The following CD55 variants were observed in gnomAD, a reference collection of about 807,000 sequenced individuals.
CD55 encodes complement decay-accelerating factor.
A neutral mutation model predicts 45.8 loss-of-function variants in CD55; 41 were observed. That is an observed-to-expected ratio of 0.90 (90% CI 0.70 to 1.16). The LOEUF is 1.16. Among genes scored for constraint, CD55 ranks in the 50% most tolerant of loss-of-function variants. The pLI, the probability that CD55 is intolerant of heterozygous loss-of-function variation, is 0.00. For synonymous variants in CD55, 181 were observed against 181.1 expected, an observed-to-expected ratio of 1.00 and a Z score of 0.01; for missense variants, 416 against 469.8, an observed-to-expected ratio of 0.89 and a Z score of 1.06.
At chr1:207,345,874 G>A (rs1225442811) in intron 9 of CD55, among the ~76,000 whole-genome samples, 5 of 152,306 alleles carry the variant, frequency 3.3e-5, no homozygotes, top group Admixed American at 2.0e-4. Flanking sequence ...TTTCCTCAGT[G>A]CTTTAGGATG....
At chr1:207,338,980 T>TA (rs1380168163) in intron 8 of CD55, among the ~76,000 whole-genome samples, 1 of 152,182 alleles carries the variant, frequency 6.6e-6, no homozygotes, top group Non-Finnish European at 1.5e-5. Context: ...AATAAGGTGA[T>TA]ATGGCATTTT....
intron 9 of CD55, among the ~76,000 whole-genome samples, chr1:207,349,932 G>C (rs1430916359): frequency 6.6e-6 from 1 of 152,152 alleles, no homozygotes; most frequent in African/African-American, 2.4e-5. Context: ...TCCTTGTCTT[G>C]TACTGGTTTT....
At chr1:207,342,001 GT>G in intron 9 of CD55, among the ~76,000 whole-genome samples, 1 of 151,860 alleles carries the variant, frequency 6.6e-6, no homozygotes, top group South Asian at 2.1e-4. Flanking sequence ...TATTTTTTTA[GT>G]TATTGTCAAT....
At chr1:207,326,681 C>A in intron 4 of CD55, 71 bp from the exon 5 acceptor site, 2 of 1,079,330 alleles carry the variant, frequency 1.9e-6, no homozygotes, top group Non-Finnish European at 2.9e-6. Flanking sequence ...AAGATAATAA[C>A]CTGGAGAATT....
chr1:207,326,683 T>A, intron 4 of CD55, 69 bp from the exon 5 acceptor site: 1 of 1,106,292 alleles, frequency 9.0e-7, no homozygotes, highest in Non-Finnish European at 1.4e-6. Flanking sequence ...GATAATAACC[T>A]GGAGAATTTG....
chr1:207,334,975 A>G (rs1558148659), intron 6 of CD55, among the ~76,000 whole-genome samples: 2 of 152,238 alleles, frequency 1.3e-5, no homozygotes, highest in Middle Eastern at 3.4e-3. Flanking sequence ...AGGATGGAAA[A>G]ATATACCATG....
At chr1:207,346,124 T>TGA (rs928141260) in intron 9 of CD55, among the ~76,000 whole-genome samples, 1 of 152,230 alleles carries the variant, frequency 6.6e-6, no homozygotes, top group African/African-American at 2.4e-5. Flanking sequence ...GCATGGGTGA[T>TGA]GGCAGTAGTA....
rs1273028693 is a variant in CD55 at position 207,360,763 on chromosome 1, T to A, written c.*1153T>A. On this transcript the variant is annotated 3_prime_UTR_variant, in exon 10 of 10. Coordinates refer to ENST00000367064, the MANE Select transcript of CD55 (RefSeq NM_000574.5). ...GGTTTTTACCATATTCTTGTCATCT[T>A]GCCAATTACATTTTAAGTGTTAGAC... The A allele has an allele frequency of 2.0e-5, 3 of 152,222 alleles. No homozygotes were observed. Among genetic ancestry groups the A allele is most frequent in the East Asian group, 1.9e-4 (1 of 5,206 alleles). The allele number at this position is 152,222 out of a possible 1,614,324, so 9.4% of individuals were successfully genotyped here. A position where few individuals can be genotyped will look rare whatever the true frequency, so the allele number is the denominator to read the frequency against.
intron 9 of CD55, among the ~76,000 whole-genome samples, chr1:207,341,788 C>T (rs1655438606): frequency 6.6e-6 from 1 of 151,610 alleles, no homozygotes; most frequent in African/African-American, 2.4e-5. Context: ...TGAAAAATGG[C>T]ATTGATATCT....
chr1:207,345,074 T>G (rs1452839379), intron 9 of CD55, among the ~76,000 whole-genome samples: 1 of 152,202 alleles, frequency 6.6e-6, no homozygotes, highest in African/African-American at 2.4e-5. Context: ...TGTGTCAGGA[T>G]GTCTACATTT....
rs1288375228 is a variant in CD55, at chr1:207,331,241, T to C, written c.798T>C (p.Tyr266=). The part of the protein sequence containing the change: ...GFTMIGEHSI[Y]CTVNNDEGEW... Reference sequence around the variant, plus strand: ...CCATGATTGGAGAGCACTCTATTTATTGTACTGTGAATAATGATGAAGGAG... The same window carrying C: ...CCATGATTGGAGAGCACTCTATTTACTGTACTGTGAATAATGATGAAGGAG... Residue 266 remains tyrosine (Y), a synonymous_variant, in exon 6 of 10, where the codon TAT becomes TAC. Transcript: ENST00000367064. 6.2e-7 allele frequency: 1 copy of C among 1,613,824 alleles called. No individual in the cohort carries two copies. The highest frequency in any genetic ancestry group is 2.2e-5 in the East Asian group (1 of 44,858).
intron 9 of CD55, chr1:207,350,028 T>C: frequency 2.3e-6 from 1 of 444,060 alleles, no homozygotes; most frequent in Non-Finnish European, 4.5e-6. Context: ...TTGTGGTATG[T>C]TCCTTTGATG....
chr1:207,324,853 T>TACAC, intron 3 of CD55, 103 bp downstream of exon 3: 1 of 600,142 alleles, frequency 1.7e-6, no homozygotes, highest in Non-Finnish European at 2.8e-6. Context: ...TATTATTATA[T>TACAC]AGGATGTTTC....
intron 8 of CD55, among the ~76,000 whole-genome samples, chr1:207,338,728 T>C (rs1655289420): frequency 6.6e-6 from 1 of 152,130 alleles, no homozygotes; most frequent in African/African-American, 2.4e-5. Flanking sequence ...CAAAGTATCT[T>C]CAGATTGATT....
chr1:207,340,843 A>T (rs771671668), intron 9 of CD55: 1 of 390,102 alleles, frequency 2.6e-6, no homozygotes, highest in Non-Finnish European at 4.5e-6. Flanking sequence ...AGATAGTTAT[A>T]TTTTTTTATG....
At chr1:207,324,993 T>C (rs1244088446) in intron 3 of CD55, among the ~76,000 whole-genome samples, 2 of 152,188 alleles carry the variant, frequency 1.3e-5, no homozygotes, top group African/African-American at 4.8e-5. Flanking sequence ...GTATATATTC[T>C]AAATTCGTTG....
chr1:207,359,441 T>A, intron 9 of CD55, 105 bp from the exon 10 acceptor site: 1 of 1,178,798 alleles, frequency 8.5e-7, no homozygotes, highest in Non-Finnish European at 1.2e-6. Context: ...ATTAACTGAT[T>A]CTTTTTGGTG....
At chr1:207,343,734 C>G (rs1655522409) in intron 9 of CD55, among the ~76,000 whole-genome samples, 1 of 152,094 alleles carries the variant, frequency 6.6e-6, no homozygotes, top group South Asian at 2.1e-4. Flanking sequence ...AATTTTTTGT[C>G]CAGATGAGCT....
chr1:207,353,923 C>T, intron 9 of CD55: 1 of 1,282,446 alleles, frequency 7.8e-7, no homozygotes, highest in Non-Finnish European at 1.1e-6. Flanking sequence ...TATTCTGTTA[C>T]ATTAAGTATG....
Sources: gnomAD v4.1 joint callset for allele counts (sites outside exome capture counted in the v4.1 genomes callset) on GRCh38, gnomAD v4.1.1 for gene constraint, MANE v1.5 for transcripts, NCBI Gene and HGNC (gene_info 2026-07-23, HGNC 2026-07-21) for gene names.